EBF1: variants seen among roughly 807,000 people sequenced by gnomAD.
The protein encoded by EBF1 is transcription factor COE1.
Under a neutral mutation model 68.4 loss-of-function variants are expected in EBF1, and 10 were observed. The observed-to-expected ratio is 0.15, with a 90% CI of 0.09 to 0.25. The LOEUF (loss-of-function observed/expected upper bound fraction) is 0.25, where lower values mean the gene tolerates loss of function less well. Among genes scored for constraint, EBF1 ranks in the 10% least tolerant of loss-of-function variants. EBF1 has a pLI of 1.00. For synonymous variants in EBF1, 298 were observed against 299.8 expected (o/e 0.99, Z 0.06); for missense variants, 509 against 794.4 (o/e 0.64, Z 4.32).
intron 6 of EBF1, among the ~76,000 whole-genome samples, chr5:159,068,371 GTGGATGGATGGATGGA>G (rs71851703): frequency 0.06 from 8,947 of 149,886 alleles, 758 homozygotes; most frequent in East Asian, 0.4. Context: ...ATGTGGGTGG[GTGGATGGATGGATGGA>G]TGGATGGATG....
chr5:158,923,460 G>T (rs1299261575), intron 6 of EBF1, among the ~76,000 whole-genome samples: 1 of 151,982 alleles, frequency 6.6e-6, no homozygotes, highest in Non-Finnish European at 1.5e-5. Flanking sequence ...AAGAAATTTT[G>T]CCTTATTATG....
intron 6 of EBF1, among the ~76,000 whole-genome samples, chr5:158,936,405 G>C (rs1270550191): frequency 6.6e-6 from 1 of 152,196 alleles, no homozygotes; most frequent in African/African-American, 2.4e-5. Flanking sequence ...TAGAGACGTG[G>C]TTTCCTCCTT....
At chr5:158,825,539 G>A (rs1298052137) in intron 7 of EBF1, among the ~76,000 whole-genome samples, 1 of 149,668 alleles carries the variant, frequency 6.7e-6, no homozygotes, top group Non-Finnish European at 1.5e-5. Flanking sequence ...TAAGACACAA[G>A]CTCTACAAAC....
chr5:159,087,327 T>A (rs866375653), intron 4 of EBF1, among the ~76,000 whole-genome samples: 1 of 138,714 alleles, frequency 7.2e-6, no homozygotes. Context: ...TATATACACA[T>A]ATATATATAC....
intron 6 of EBF1, among the ~76,000 whole-genome samples, chr5:158,887,049 G>A (rs1250057318): frequency 6.6e-6 from 1 of 152,138 alleles, no homozygotes; most frequent in Non-Finnish European, 1.5e-5. Flanking sequence ...CACCACAGAT[G>A]TAGAAACCTA....
intron 6 of EBF1, among the ~76,000 whole-genome samples, chr5:158,842,312 T>G (rs1013879755): frequency 6.6e-6 from 1 of 152,220 alleles, no homozygotes; most frequent in Non-Finnish European, 1.5e-5. Flanking sequence ...GTTGTGATCC[T>G]TGAATCTTGC....
chr5:159,094,960 G>A (rs1782324961), intron 4 of EBF1, among the ~76,000 whole-genome samples: 1 of 152,186 alleles, frequency 6.6e-6, no homozygotes, highest in South Asian at 2.1e-4. Context: ...TGACACCCGC[G>A]TGTTGGGAGC....
chr5:158,775,745 AACAC>A (rs3220206), intron 10 of EBF1, among the ~76,000 whole-genome samples: 283 of 137,688 alleles, frequency 2.1e-3, no homozygotes, highest in South Asian at 7.9e-3. Context: ...AGACTTGTAA[AACAC>A]ACACACACAC....
intron 6 of EBF1, among the ~76,000 whole-genome samples, chr5:158,892,899 T>C (rs1482934418): frequency 7.4e-6 from 1 of 135,344 alleles, no homozygotes; most frequent in Non-Finnish European, 1.7e-5. Context: ...AGCGCCCCTT[T>C]TACTTTGATT....
At chr5:158,950,053 T>C (rs1815645586) in intron 6 of EBF1, among the ~76,000 whole-genome samples, 2 of 152,226 alleles carry the variant, frequency 1.3e-5, no homozygotes, top group African/African-American at 4.8e-5. Context: ...GTTTCCCTAA[T>C]ATTGCTAAGT....
At chr5:159,021,283 C>T (rs984828518) in intron 6 of EBF1, among the ~76,000 whole-genome samples, 1 of 151,934 alleles carries the variant, frequency 6.6e-6, no homozygotes, top group Non-Finnish European at 1.5e-5. Flanking sequence ...CTGGGAATCT[C>T]CCGCCAAAAA....
chr5:158,812,300 C>A (rs1237599592), intron 8 of EBF1, among the ~76,000 whole-genome samples: 1 of 152,136 alleles, frequency 6.6e-6, no homozygotes, highest in Non-Finnish European at 1.5e-5. Context: ...AAGAATTCTT[C>A]CAAAAGTTAT....
intron 6 of EBF1, among the ~76,000 whole-genome samples, chr5:158,853,505 A>G (rs1430048389): frequency 6.6e-6 from 1 of 152,210 alleles, no homozygotes; most frequent in East Asian, 1.9e-4. Context: ...ATAGAATATA[A>G]TCCATTCATA....
intron 6 of EBF1, among the ~76,000 whole-genome samples, chr5:158,882,354 T>C (rs1799055240): frequency 1.3e-5 from 2 of 152,182 alleles, no homozygotes; most frequent in Admixed American, 1.3e-4. Flanking sequence ...GCGAATGTCA[T>C]GCTCATTGTC....
chr5:158,748,653 A>C (rs1768108833), intron 10 of EBF1, among the ~76,000 whole-genome samples: 1 of 152,208 alleles, frequency 6.6e-6, no homozygotes, highest in Non-Finnish European at 1.5e-5. Context: ...AGAAGAGAGC[A>C]TATTAAGTGC....
chr5:158,911,292 C>A (rs542460534), intron 6 of EBF1, among the ~76,000 whole-genome samples: 138 of 152,278 alleles, frequency 9.1e-4, no homozygotes, highest in African/African-American at 3.1e-3. Context: ...TGCTCATTTA[C>A]CTCTGTGAGC....
chr5:158,927,100 AG>A, intron 6 of EBF1, among the ~76,000 whole-genome samples: 1 of 152,374 alleles, frequency 6.6e-6, no homozygotes, highest in Non-Finnish European at 1.5e-5. Flanking sequence ...ATGCATAAAA[AG>A]ATTTGCAGCG....
chr5:158,987,690 G>T (rs956152739), intron 6 of EBF1, among the ~76,000 whole-genome samples: 2 of 152,180 alleles, frequency 1.3e-5, no homozygotes, highest in African/African-American at 4.8e-5. Context: ...GTGTCCGTGG[G>T]TGCCTAGACA....
In EBF1 at chr5:158,712,003, T is replaced by TGA; in HGVS notation, c.1549+150_1549+151insTC. 3 of 861,776 alleles carry TGA rather than the reference T, an allele frequency of 3.5e-6. No individual in the cohort carries two copies. The South Asian group carries it at 5.3e-5, about 15-fold the overall frequency. The allele number at this position is 861,776 out of a possible 1,614,324, so 53.4% of individuals were successfully genotyped here. ...CGGAGATTCCTGCTGGAGACGATGGTGCCTTTAGCACCATCACCCAGGGGA... is the reference window on the plus strand; with the variant it reads ...CGGAGATTCCTGCTGGAGACGATGGTGAGCCTTTAGCACCATCACCCAGGGGA... On this transcript the variant is annotated intron_variant, in intron 14 of 15. Transcript: ENST00000313708.
Sources: gnomAD v4.1 joint callset for allele counts (sites outside exome capture counted in the v4.1 genomes callset) on GRCh38, gnomAD v4.1.1 for gene constraint, MANE v1.5 for transcripts, NCBI Gene and HGNC (gene_info 2026-07-23, HGNC 2026-07-21) for gene names.